The following KCNK5 variants were observed in gnomAD, a reference collection of about 807,000 sequenced individuals.
The protein encoded by KCNK5 is potassium two pore domain channel subfamily K member 5.
In KCNK5, 18 loss-of-function variants were observed where a neutral mutation model predicts 32.9. That is an observed-to-expected ratio of 0.55 (90% confidence interval 0.38 to 0.81). KCNK5 has a LOEUF of 0.81. Among genes scored for constraint, KCNK5 ranks in the 30% least tolerant of loss-of-function variants. The probability of loss-of-function intolerance (pLI) is 0.00; values close to 1 mark genes in which losing one functional copy is unlikely to be tolerated. For synonymous variants in KCNK5, 276 were observed against 275.3 expected, an observed-to-expected ratio of 1.00 and a Z score of -0.03; for missense variants, 507 against 651.0, an observed-to-expected ratio of 0.78 and a Z score of 2.41.
chr6:39,218,192 T>C (rs1445286475), intron 1 of KCNK5, among the ~76,000 whole-genome samples: 3 of 150,828 alleles, frequency 2.0e-5, no homozygotes, highest in Admixed American at 6.6e-5. Flanking sequence ...TGCCTCAGCC[T>C]CCTGAGTAGC....
At chr6:39,199,406 C>T (rs1259267830) in intron 1 of KCNK5, among the ~76,000 whole-genome samples, 2 of 152,194 alleles carry the variant, frequency 1.3e-5, no homozygotes, top group Non-Finnish European at 2.9e-5. Context: ...CAGCCTCAGG[C>T]CCTGGCTTAT....
Position 39,229,306 on chromosome 6 carries a change from T to C in KCNK5, c.-195A>G, listed in dbSNP as rs990912808. ...AGTTGGCCCACGGAGTGCGGGGAGC[T>C]GCGTGGGGCCCCACTCACGCGGCCC... On this transcript the variant is annotated 5_prime_UTR_variant, in exon 1 of 5. Transcript: ENST00000359534. 2.4e-5 allele frequency: 16 copies of C among 673,180 alleles called. No homozygotes were observed. Among genetic ancestry groups the C allele is most frequent in the Non-Finnish European group, 3.7e-5 (15 of 407,296 alleles). The allele number at this position is 673,180 out of a possible 1,614,324, so 41.7% of individuals were successfully genotyped here. A position where few individuals can be genotyped will look rare whatever the true frequency, so the allele number is the denominator to read the frequency against.
At chr6:39,204,605 G>C (rs1771190566) in intron 1 of KCNK5, among the ~76,000 whole-genome samples, 1 of 152,258 alleles carries the variant, frequency 6.6e-6, no homozygotes, top group African/African-American at 2.4e-5. Flanking sequence ...AAGAGAAATA[G>C]TCTGGGGCTT....
Position 39,225,167 on chromosome 6 carries a change from T to C in KCNK5, c.186+3759A>G, listed in dbSNP as rs545089553. On this transcript the variant is annotated intron_variant, in intron 1 of 4. Coordinates refer to ENST00000359534, the MANE Select transcript of KCNK5 (RefSeq NM_003740.4). ...TGTTCCCAGTGGGTTTATGTATCCTTTTCTCCAGCAGCTCGGAGTGTAGCC... is the reference window on the plus strand; with the variant it reads ...TGTTCCCAGTGGGTTTATGTATCCTCTTCTCCAGCAGCTCGGAGTGTAGCC... Among the ~76,000 whole-genome samples the C allele has an allele frequency of 5.6e-4, 85 of 152,266 alleles. 1 individual carries two copies. Among genetic ancestry groups the C allele is most frequent in the African/African-American group, 1.9e-3 (77 of 41,550 alleles).
chr6:39,211,205 G>A (rs181363615), intron 1 of KCNK5, among the ~76,000 whole-genome samples: 3 of 152,156 alleles, frequency 2.0e-5, no homozygotes, highest in Non-Finnish European at 4.4e-5. Context: ...CCCGCAGAGT[G>A]GGGAGGCTGG....
chr6:39,224,548 T>C (rs1771616746), intron 1 of KCNK5, among the ~76,000 whole-genome samples: 1 of 152,174 alleles, frequency 6.6e-6, no homozygotes, highest in African/African-American at 2.4e-5. Flanking sequence ...CTGGAGTGTG[T>C]ATAGACCAGT....
At chr6:39,212,809 C>T (rs1397765801) in intron 1 of KCNK5, among the ~76,000 whole-genome samples, 1 of 152,216 alleles carries the variant, frequency 6.6e-6, no homozygotes, top group East Asian at 1.9e-4. Context: ...AGACCAAAGG[C>T]TCACCTAGTT....
intron 1 of KCNK5, among the ~76,000 whole-genome samples, chr6:39,224,906 C>CT (rs1039481514): frequency 9.3e-5 from 14 of 150,754 alleles, no homozygotes; most frequent in Non-Finnish European, 1.6e-4. Context: ...TTTCTTTAAT[C>CT]TTTTTTTTCT....
chr6:39,201,443 G>A (rs562636986), intron 1 of KCNK5, among the ~76,000 whole-genome samples: 62 of 152,146 alleles, frequency 4.1e-4, no homozygotes, highest in African/African-American at 1.4e-3. Flanking sequence ...TAGAGACGGG[G>A]TTTCTCCATG....
intron 1 of KCNK5, among the ~76,000 whole-genome samples, chr6:39,210,231 G>A (rs1215863788): frequency 6.6e-6 from 1 of 152,134 alleles, no homozygotes; most frequent in Non-Finnish European, 1.5e-5. Context: ...CTGAAGCAGA[G>A]CCCTTCATCC....
intron 1 of KCNK5, among the ~76,000 whole-genome samples, chr6:39,216,357 G>A (rs968295638): frequency 1.3e-5 from 2 of 152,172 alleles, no homozygotes; most frequent in African/African-American, 4.8e-5. Context: ...GCAGTACTTT[G>A]GTGTCAGAAC....
chr6:39,229,223 G>T lies in KCNK5; in HGVS notation c.-112C>A, dbSNP rs1262408682. 6 of 1,081,168 alleles carry T rather than the reference G, an allele frequency of 5.5e-6. No homozygotes were observed. In the Admixed American group the frequency reaches 6.7e-5, roughly 12 times the overall value. The allele number at this position is 1,081,168 out of a possible 1,614,324, so 67.0% of individuals were successfully genotyped here. A position where few individuals can be genotyped will look rare whatever the true frequency, so the allele number is the denominator to read the frequency against. ...TGTTTGAATTTGGAGCTCCGCATGC[G>T]CAGTGCCCGGTACTCACCCCCCGCA... is the stretch of plus-strand genomic sequence containing the variant. On this transcript the variant is annotated 5_prime_UTR_variant, in exon 1 of 5. Transcript: ENST00000359534.
At chr6:39,223,302 A>C (rs923594740) in intron 1 of KCNK5, among the ~76,000 whole-genome samples, 1 of 152,218 alleles carries the variant, frequency 6.6e-6, no homozygotes, top group African/African-American at 2.4e-5. Flanking sequence ...TCCTTCAGCA[A>C]CACCACCAAG....
In KCNK5 at chr6:39,190,885, C is replaced by A; in HGVS notation, c.*5G>T. ...TCAAAGGTGGGGTGGGGAGCCGGCCCTGCCTCATGTGCCCTTGGGGCTGTT... is the reference window on the plus strand; with the variant it reads ...TCAAAGGTGGGGTGGGGAGCCGGCCATGCCTCATGTGCCCTTGGGGCTGTT... On this transcript the variant is annotated 3_prime_UTR_variant, in exon 5 of 5. Transcript: ENST00000359534. The A allele has an allele frequency of 6.8e-7, 1 of 1,463,856 alleles. No homozygotes were observed. The highest frequency in any genetic ancestry group is 1.5e-5 in the South Asian group (1 of 67,480). The allele number at this position is 1,463,856 out of a possible 1,614,324, so 90.7% of individuals were successfully genotyped here. A position where few individuals can be genotyped will look rare whatever the true frequency, so the allele number is the denominator to read the frequency against.
intron 1 of KCNK5, among the ~76,000 whole-genome samples, chr6:39,201,202 C>A (rs1031251089): frequency 1.3e-5 from 2 of 151,844 alleles, no homozygotes; most frequent in African/African-American, 2.4e-5. Context: ...TTAATGGGTT[C>A]ATGGGCCAAC....
At chr6:39,228,610 C>T (rs1771713904) in intron 1 of KCNK5, among the ~76,000 whole-genome samples, 1 of 152,206 alleles carries the variant, frequency 6.6e-6, no homozygotes, top group African/African-American at 2.4e-5. Flanking sequence ...CGTCCCACAG[C>T]CTCTTCCCAA....
intron 1 of KCNK5, among the ~76,000 whole-genome samples, chr6:39,226,373 G>A (rs9471013): frequency 0.02 from 3,104 of 152,238 alleles, 45 homozygotes; most frequent in South Asian, 0.038. Context: ...CAACCACAGC[G>A]GAGGGAAGGA....
intron 4 of KCNK5, among the ~76,000 whole-genome samples, chr6:39,192,085 G>T (rs1483566611): frequency 6.6e-6 from 1 of 151,956 alleles, no homozygotes; most frequent in Non-Finnish European, 1.5e-5. Context: ...CTTGAGGTCA[G>T]GAGTTCGAAA....
intron 1 of KCNK5, among the ~76,000 whole-genome samples, chr6:39,197,316 C>A (rs181873609): frequency 1.3e-5 from 2 of 152,206 alleles, no homozygotes; most frequent in Admixed American, 1.3e-4. Context: ...AAGCAGCAGC[C>A]GGCCTGCGTA....
Sources: allele counts gnomAD v4.1 joint callset (sites outside exome capture counted in the v4.1 genomes callset), GRCh38; gene constraint gnomAD v4.1.1; transcripts MANE v1.5; gene names NCBI Gene and HGNC (gene_info 2026-07-23, HGNC 2026-07-21).